The following NPIPB2 variants were observed in gnomAD, a reference collection of about 807,000 sequenced individuals.
NPIPB2 encodes nuclear pore complex-interacting protein family member B2.
In NPIPB2, 27 loss-of-function variants were observed where a neutral mutation model predicts 30.8. The observed-to-expected ratio is 0.88, with a 90% confidence interval of 0.65 to 1.21. NPIPB2 has a LOEUF of 1.21. Ranked by LOEUF, NPIPB2 falls within the 50% of genes most tolerant of loss-of-function variation. The pLI is 0.00. For synonymous variants in NPIPB2, 147 were observed against 162.0 expected (o/e 0.91, Z 0.70); for missense variants, 440 against 446.2 (o/e 0.99, Z 0.13).
intron 1 of NPIPB2, among the ~76,000 whole-genome samples, chr16:11,939,007 A>G (rs2054903910): frequency 6.6e-6 from 1 of 152,012 alleles, no homozygotes; most frequent in Non-Finnish European, 1.5e-5. Flanking sequence ...TGGCCTCCCA[A>G]AGTGCTGGGA....
chr16:11,953,175 T>C (rs1039519794), intron 1 of NPIPB2, among the ~76,000 whole-genome samples: 8 of 152,290 alleles, frequency 5.3e-5, no homozygotes, highest in Non-Finnish European at 8.8e-5. Flanking sequence ...AGGTGGAGTC[T>C]CACTTTGTTG....
intron 1 of NPIPB2, among the ~76,000 whole-genome samples, chr16:11,975,153 T>C (rs1226404741): frequency 1.4e-5 from 1 of 70,124 alleles, no homozygotes; most frequent in Non-Finnish European, 3.2e-5. Flanking sequence ...TTTTTTTTTT[T>C]TTTTTTTTTT....
At chr16:11,945,906 T>G (rs76827282), upstream of NPIPB2, among the ~76,000 whole-genome samples, 28 of 151,620 alleles carry the variant, frequency 1.8e-4, no homozygotes, top group East Asian at 5.2e-3. Context: ...TCTGTCTCTC[T>G]CACATTCAAA....
intron 1 of NPIPB2, among the ~76,000 whole-genome samples, chr16:11,975,178 C>G (rs1454058515): frequency 3.9e-5 from 2 of 51,134 alleles, no homozygotes; most frequent in African/African-American, 1.5e-4. Flanking sequence ...GACGGAGTCT[C>G]GCTCTGTCGC....
chr16:11,933,245 T>C (rs1487050761), intron 4 of NPIPB2, among the ~76,000 whole-genome samples: 14 of 141,964 alleles, frequency 9.9e-5, no homozygotes, highest in African/African-American at 3.7e-4. Context: ...AGAGCAAAGC[T>C]CCATCTCAGG....
intron 1 of NPIPB2, chr16:11,966,158 A>G (rs1172661259): frequency 6.4e-7 from 1 of 1,565,878 alleles, no homozygotes; most frequent in Non-Finnish European, 8.7e-7. Context: ...ATATTATGTT[A>G]TCAGCTCATT....
chr16:11,975,547 C>T (rs370072362), intron 1 of NPIPB2, among the ~76,000 whole-genome samples: 1 of 151,972 alleles, frequency 6.6e-6, no homozygotes, highest in Non-Finnish European at 1.5e-5. Flanking sequence ...TCTTTCTCCA[C>T]CCTGCCCCCA....
At chr16:11,965,442 T>G (rs1475885235) in intron 1 of NPIPB2, 1 of 1,614,184 alleles carries the variant, frequency 6.2e-7, no homozygotes, top group South Asian at 1.1e-5. Context: ...ATGTCAGCGT[T>G]ATTGTAATGC....
intron 1 of NPIPB2, chr16:11,967,863 C>T (rs539311998): frequency 2.9e-5 from 46 of 1,607,030 alleles, no homozygotes; most frequent in African/African-American, 5.4e-5. Flanking sequence ...CATTTCGACT[C>T]GAGCAGTGCC....
chr16:11,938,318 T>C (rs1281809169), intron 1 of NPIPB2, among the ~76,000 whole-genome samples: 1 of 141,982 alleles, frequency 7.0e-6, no homozygotes, highest in Non-Finnish European at 1.5e-5. Context: ...GCCCGGCCAT[T>C]TTTTTGTTTT....
upstream of NPIPB2, among the ~76,000 whole-genome samples, chr16:11,945,466 G>A (rs1264275733): frequency 6.6e-6 from 1 of 151,982 alleles, no homozygotes; most frequent in Non-Finnish European, 1.5e-5. Context: ...TTGAGGCCAG[G>A]AATTTGAGAC....
At chr16:11,937,350 C>T (rs1404602404) in intron 2 of NPIPB2, among the ~76,000 whole-genome samples, 190 bp downstream of exon 2, 1 of 152,200 alleles carries the variant, frequency 6.6e-6, no homozygotes, top group Admixed American at 6.6e-5. Flanking sequence ...ATTAAACAAA[C>T]ACTGACCTAT....
At chr16:11,974,204 G>A (rs1344967320) in intron 1 of NPIPB2, among the ~76,000 whole-genome samples, 1 of 152,106 alleles carries the variant, frequency 6.6e-6, no homozygotes, top group Non-Finnish European at 1.5e-5. Context: ...AAGCCCCAAC[G>A]CCACTTTTTC....
At chr16:11,960,606 C>G (rs2055146391) in intron 1 of NPIPB2, among the ~76,000 whole-genome samples, 1 of 152,090 alleles carries the variant, frequency 6.6e-6, no homozygotes, top group Non-Finnish European at 1.5e-5. Context: ...TATCCGCCCT[C>G]CTCAGCCTCC....
chr16:11,964,593 T>A (rs1314394219), intron 1 of NPIPB2, among the ~76,000 whole-genome samples: 1 of 152,136 alleles, frequency 6.6e-6, no homozygotes, highest in Admixed American at 6.6e-5. Flanking sequence ...TTTTGTATTT[T>A]TAGTAGAGAC....
upstream of NPIPB2, among the ~76,000 whole-genome samples, chr16:11,944,730 T>C (rs2054985098): frequency 2.5e-5 from 1 of 40,140 alleles, no homozygotes; most frequent in African/African-American, 9.4e-5. Flanking sequence ...ACAGACTCCG[T>C]GTCAAAAAAA....
chr16:11,927,533 T>C (rs776417843), exon 8 of NPIPB2: 15 of 1,595,662 alleles, frequency 9.4e-6, no homozygotes, highest in Middle Eastern at 1.7e-4. Flanking sequence ...TGATTCCATC[T>C]CAGCCGCTCT....
chr16:11,976,467 G>C, intron 1 of NPIPB2: 1 of 311,122 alleles, frequency 3.2e-6, no homozygotes, highest in Non-Finnish European at 5.9e-6. Flanking sequence ...TCCCTCTCTG[G>C]GACGAAGTCG....
intron 4 of NPIPB2, among the ~76,000 whole-genome samples, chr16:11,933,116 C>T (rs926996547): frequency 3.3e-5 from 5 of 151,828 alleles, no homozygotes; most frequent in African/African-American, 1.2e-4. Flanking sequence ...CAAAAATTAG[C>T]TGGGCGTGGT....
Sources: gnomAD v4.1 joint callset for allele counts (sites outside exome capture counted in the v4.1 genomes callset) on GRCh38, gnomAD v4.1.1 for gene constraint, MANE v1.5 for transcripts, NCBI Gene and HGNC (gene_info 2026-07-23, HGNC 2026-07-21) for gene names.